MMP28: variants seen among roughly 807,000 people sequenced by gnomAD.
MMP28 encodes the protein matrix metallopeptidase 28.
A neutral mutation model predicts 60.5 loss-of-function variants in MMP28; 55 were observed. That is an observed-to-expected ratio of 0.91 (90% CI 0.73 to 1.14). The LOEUF (loss-of-function observed/expected upper bound fraction) is 1.14, where lower values mean the gene tolerates loss of function less well. Ranked by LOEUF, MMP28 falls within the 50% of genes most tolerant of loss-of-function variation. The pLI is 0.00. For missense variants in MMP28, 686 were observed against 738.3 expected, an observed-to-expected ratio of 0.93 and a Z score of 0.82; for synonymous variants, 318 against 312.5, an observed-to-expected ratio of 1.02 and a Z score of -0.18.
At chr17:35,763,438 CTTTTTT>C (rs782005643), downstream of MMP28, among the ~76,000 whole-genome samples, 7 of 101,514 alleles carry the variant, frequency 6.9e-5, no homozygotes, top group South Asian at 3.4e-4. Flanking sequence ...CCATGCCCAG[CTTTTTT>C]TTTTTTTTTT....
chr17:35,768,052 G>C (rs1456024314), intron 6 of MMP28, 133 bp from the exon 7 acceptor site: 2 of 1,299,750 alleles, frequency 1.5e-6, no homozygotes, highest in African/African-American at 3.0e-5. Flanking sequence ...GGCGCAGAGG[G>C]GAAAGTGGGC....
At chr17:35,760,872 C>T (rs1219812675), downstream of MMP28, 2 of 1,593,584 alleles carry the variant, frequency 1.3e-6, no homozygotes, top group Non-Finnish European at 1.7e-6. Flanking sequence ...AGACAAAGTT[C>T]TATGGGTTCT....
In MMP28 at chr17:35,766,220, T is replaced by C. The variant is rs2143140916; in HGVS notation, c.*280A>G. ...ACCTTTAGCCGAAGAAACAAAGGCCTGGGGAGGATAGAAGTCCTCGGAGGA... is the reference window on the plus strand; with the variant it reads ...ACCTTTAGCCGAAGAAACAAAGGCCCGGGGAGGATAGAAGTCCTCGGAGGA... On this transcript the variant is annotated 3_prime_UTR_variant, in exon 8 of 8. Coordinates refer to ENST00000605424, the MANE Select transcript of MMP28 (RefSeq NM_024302.5). This position sits in a 1 kb window ranked among gnomAD's most constrained non-coding sequence, Gnocchi z 4.3. 4.9e-6 allele frequency: 6 copies of C among 1,231,822 alleles called. No individual in the cohort carries two copies. Among genetic ancestry groups the C allele is most frequent in the Middle Eastern group, 3.2e-4 (1 of 3,138 alleles). The allele number at this position is 1,231,822 out of a possible 1,614,324, so 76.3% of individuals were successfully genotyped here.
Position 35,770,327 on chromosome 17 carries a change from G to T in MMP28, c.605-15C>A. 1 of 1,492,652 alleles carries T rather than the reference G, an allele frequency of 6.7e-7. No homozygotes were observed. 92.5% of individuals were successfully genotyped at this position (1,492,652 alleles called of 1,614,324 possible). The stretch of plus-strand genomic sequence containing the variant: ...CAGGGCGCCCCCTGCAGGTGGGGCA[G>T]AAGGTCAGGGGGTGCCACGGCCCAC... On this transcript the variant is annotated splice_polypyrimidine_tract_variant and intron_variant, in intron 4 of 7. Transcript: ENST00000605424.
At chr17:35,781,107 A>C (rs976856076) in intron 1 of MMP28, among the ~76,000 whole-genome samples, 1 of 152,190 alleles carries the variant, frequency 6.6e-6, no homozygotes, top group Non-Finnish European at 1.5e-5. Context: ...GAACAGAAGG[A>C]AGGCTGGAGC....
At position 35,766,036 on chromosome 17, in the gene MMP28, G is replaced by A; in HGVS notation, c.*464C>T. On this transcript the variant is annotated 3_prime_UTR_variant, in exon 8 of 8. Coordinates refer to ENST00000605424, the MANE Select transcript of MMP28 (RefSeq NM_024302.5). The surrounding 1 kb of genome is among the most constrained non-coding windows in gnomAD (Gnocchi z 4.3). ...TTCATCCCCATCCATGCTTCCTGGG[G>A]GTGGGGCCTCTGACTAAATATGACA... The A allele has an allele frequency of 2.0e-5, 20 of 985,404 alleles. No homozygotes were observed. Among genetic ancestry groups the A allele is most frequent in the Non-Finnish European group, 2.4e-5 (20 of 829,930 alleles). The allele number at this position is 985,404 out of a possible 1,614,324, so 61.0% of individuals were successfully genotyped here.
chr17:35,790,901 T>C (rs980415788), intron 1 of MMP28, among the ~76,000 whole-genome samples: 6 of 151,728 alleles, frequency 4.0e-5, no homozygotes, highest in African/African-American at 7.3e-5. Flanking sequence ...TTTTTTTTTT[T>C]TTTAAATGTG....
chr17:35,765,541 C>A (rs2085917445), downstream of MMP28, among the ~76,000 whole-genome samples: 1 of 152,200 alleles, frequency 6.6e-6, no homozygotes, highest in African/African-American at 2.4e-5. Context: ...GAGAATGCGG[C>A]CACTGTGAGA....
At chr17:35,763,574 C>T (rs2085868279), downstream of MMP28, among the ~76,000 whole-genome samples, 3 of 151,644 alleles carry the variant, frequency 2.0e-5, no homozygotes, top group South Asian at 6.2e-4. Flanking sequence ...GCGTGAGCCA[C>T]CATGCCTGGA....
At chr17:35,758,888 TGAG>T (rs2085770436) in intron 2 of MMP28, among the ~76,000 whole-genome samples, 1 of 151,778 alleles carries the variant, frequency 6.6e-6, no homozygotes, top group Non-Finnish European at 1.5e-5. Context: ...GGAGGCAGGA[TGAG>T]AAGAATGACC....
At chr17:35,757,706 T>C (rs751635695) in intron 2 of MMP28, among the ~76,000 whole-genome samples, 6 of 152,212 alleles carry the variant, frequency 3.9e-5, no homozygotes, top group Non-Finnish European at 8.8e-5. Context: ...ATGTAAGATG[T>C]TGTTACAAAT....
chr17:35,772,884 G>A (rs1223042246), intron 4 of MMP28, among the ~76,000 whole-genome samples: 1 of 152,188 alleles, frequency 6.6e-6, no homozygotes, highest in Non-Finnish European at 1.5e-5. Flanking sequence ...CCTGTCTAGA[G>A]GCAGAGGATG....
intron 4 of MMP28, among the ~76,000 whole-genome samples, chr17:35,771,069 A>C (rs914362354): frequency 1.5e-4 from 23 of 151,656 alleles, no homozygotes; most frequent in East Asian, 5.8e-4. Flanking sequence ...CAACAACAAC[A>C]ACCACGAAAC....
At chr17:35,771,912 AC>A (rs1317279264) in intron 4 of MMP28, among the ~76,000 whole-genome samples, 1 of 150,930 alleles carries the variant, frequency 6.6e-6, no homozygotes, top group East Asian at 2.0e-4. Context: ...CCAGGGTACC[AC>A]CCCTAACAAT....
At chr17:35,774,066 A>G (rs1037324265) in intron 3 of MMP28, among the ~76,000 whole-genome samples, 1 of 152,194 alleles carries the variant, frequency 6.6e-6, no homozygotes, top group Non-Finnish European at 1.5e-5. Flanking sequence ...ACAAATAAGA[A>G]CAAAGCGTGT....
rs745671778 is a variant in MMP28, at chr17:35,779,102, G to A, written c.192-27C>T. 8.4e-5 allele frequency: 135 copies of A among 1,608,340 alleles called. No individual in the cohort carries two copies. In the South Asian group the frequency reaches 1.3e-3, roughly 16 times the overall value. On this transcript the variant is annotated intron_variant, in intron 2 of 7. Coordinates refer to ENST00000605424, the MANE Select transcript of MMP28 (RefSeq NM_024302.5). Reference sequence around the variant, plus strand: ...TGTCAGGAGGAAAGGACCGCAAGGGGAGGGTGAGTGGTAAGGGTGAGGGCA... The same window carrying A: ...TGTCAGGAGGAAAGGACCGCAAGGGAAGGGTGAGTGGTAAGGGTGAGGGCA...
At chr17:35,780,795 G>A (rs552593961) in intron 1 of MMP28, among the ~76,000 whole-genome samples, 2,984 of 150,972 alleles carry the variant, frequency 0.02, 112 homozygotes, top group African/African-American at 0.068. Context: ...AGATCACGCA[G>A]CTGCACTCCA....
chr17:35,770,417 G>C, intron 4 of MMP28, 105 bp from the exon 5 acceptor site: 2 of 1,364,966 alleles, frequency 1.5e-6, no homozygotes, highest in Non-Finnish European at 1.9e-6. Context: ...GTTCTCTGCT[G>C]TATAGTTTCC....
rs1192806903 is a variant in MMP28, at chr17:35,795,599, G to A, written c.-222C>T. On this transcript the variant is annotated 5_prime_UTR_variant, in exon 1 of 8. Transcript: ENST00000605424. The stretch of plus-strand genomic sequence containing the variant: ...CCAGACGTCGTCCAGCCCGGGCAGT[G>A]CCTGCCCGCGGGTCCGCCGGCCCCG... 2.4e-5 allele frequency: 9 copies of A among 374,606 alleles called. No individual in the cohort carries two copies. The highest frequency in any genetic ancestry group is 4.3e-5 in the Non-Finnish European group (9 of 211,000). The allele number at this position is 374,606 out of a possible 1,614,324, so 23.2% of individuals were successfully genotyped here.
Sources: gnomAD v4.1 joint callset for allele counts (sites outside exome capture counted in the v4.1 genomes callset) on GRCh38, gnomAD v4.1.1 for gene constraint, Gnocchi (gnomAD v3.1) non-coding constraint, MANE v1.5 for transcripts, NCBI Gene and HGNC (gene_info 2026-07-23, HGNC 2026-07-21) for gene names.